The following EYA1 variants were observed in gnomAD, a reference collection of about 807,000 sequenced individuals.
The protein encoded by EYA1 is protein phosphatase EYA1.
Under a neutral mutation model 82.0 loss-of-function variants are expected in EYA1, and 16 were observed. That is an observed-to-expected ratio of 0.20 (90% CI 0.13 to 0.30). EYA1 has a LOEUF of 0.30. Ranked by LOEUF, EYA1 falls within the 10% of genes least tolerant of loss-of-function variation. The probability of loss-of-function intolerance (pLI) is 1.00; values close to 1 mark genes in which losing one functional copy is unlikely to be tolerated. For synonymous variants in EYA1, 261 were observed against 264.4 expected, an observed-to-expected ratio of 0.99 and a Z score of 0.12; for missense variants, 633 against 730.7, an observed-to-expected ratio of 0.87 and a Z score of 1.54.
At chr8:71,381,245 A>G (rs1404204589) in intron 2 of EYA1, among the ~76,000 whole-genome samples, 5 of 152,218 alleles carry the variant, frequency 3.3e-5, no homozygotes, top group Non-Finnish European at 7.3e-5. Context: ...TGTCCCTGCC[A>G]TGTGTAACAT....
At chr8:71,199,505 A>AC in intron 17 of EYA1, 85 bp from the exon 18 acceptor site, 1 of 810,444 alleles carries the variant, frequency 1.2e-6, no homozygotes, top group Non-Finnish European at 2.1e-6. Flanking sequence ...TCCCATGCTG[A>AC]CCCCCATTTT....
rs1586548715 is a variant in EYA1, at chr8:71,361,828, G to GGGGGCAGGCGCCTGGCCGCT, written c.-256_-237dup. 1 of 985,358 alleles carries GGGGGCAGGCGCCTGGCCGCT rather than the reference G, an allele frequency of 1.0e-6. No homozygotes were observed. Among genetic ancestry groups the GGGGGCAGGCGCCTGGCCGCT allele is most frequent in the Non-Finnish European group, 1.2e-6 (1 of 829,950 alleles). The allele number at this position is 985,358 out of a possible 1,614,324, so 61.0% of individuals were successfully genotyped here. On this transcript the variant is annotated 5_prime_UTR_variant, in exon 1 of 18. It removes the in-frame stop codon of an upstream open reading frame in the 5' UTR. Transcript: ENST00000340726. Reference sequence around the variant, plus strand: ...CCTCTGCAGGGGAAAGCTCGGCGCAGGGGGCAGGCGCCTGGCCGCTGCCGC... The same window carrying GGGGGCAGGCGCCTGGCCGCT: ...CCTCTGCAGGGGAAAGCTCGGCGCAGGGGGCAGGCGCCTGGCCGCTGGGGCAGGCGCCTGGCCGCTGCCGC...
In EYA1 at chr8:71,450,207, A is replaced by T. The variant is rs114074800; in HGVS notation, c.33+85537T>A. ...TTTTGAATTAACAACTTGGCTAACC[A>T]TTTGGCACAAGAGGCCTACTTTTGG... On this transcript the variant is annotated intron_variant, in intron 2 of 18. Transcript: ENST00000643681. Among the ~76,000 whole-genome samples, 662 of 152,346 alleles carry T rather than the reference A, an allele frequency of 4.3e-3. 5 individuals are homozygous for T. Among genetic ancestry groups the T allele is most frequent in the African/African-American group, 0.015 (640 of 41,588 alleles).
At chr8:71,425,693 T>C (rs186812219) in intron 2 of EYA1, among the ~76,000 whole-genome samples, 2 of 147,758 alleles carry the variant, frequency 1.4e-5, no homozygotes, top group Admixed American at 1.3e-4. Context: ...GAATCCTTAG[T>C]GTGTGTGTGT....
chr8:71,541,510 C>T (rs1439772665), intron 1 of EYA1, among the ~76,000 whole-genome samples: 1 of 152,144 alleles, frequency 6.6e-6, no homozygotes, highest in African/African-American at 2.4e-5. Flanking sequence ...TGATGACATG[C>T]TTATTTGGTA....
chr8:71,537,061 TAAG>T (rs1211034130), intron 1 of EYA1, among the ~76,000 whole-genome samples: 3 of 152,230 alleles, frequency 2.0e-5, no homozygotes, highest in African/African-American at 7.2e-5. Context: ...ATGGTTTATT[TAAG>T]AAGTAATTTT....
intron 12 of EYA1, among the ~76,000 whole-genome samples, chr8:71,243,127 T>C (rs971896877): frequency 9.2e-5 from 14 of 152,158 alleles, no homozygotes; most frequent in Admixed American, 5.9e-4. Context: ...AATAGGAAAT[T>C]ACTACAAATT....
intron 2 of EYA1, among the ~76,000 whole-genome samples, chr8:71,395,205 G>A (rs566829784): frequency 6.6e-6 from 1 of 152,342 alleles, no homozygotes; most frequent in Admixed American, 6.5e-5. Flanking sequence ...AGATGATGGG[G>A]TTTTCTAAAT....
At chr8:71,200,888 A>G (rs1806906840) in intron 17 of EYA1, among the ~76,000 whole-genome samples, 1 of 151,296 alleles carries the variant, frequency 6.6e-6, no homozygotes, top group Admixed American at 6.6e-5. Context: ...CATTCAGAAA[A>G]ACACTCTGAT....
intron 1 of EYA1, among the ~76,000 whole-genome samples, chr8:71,546,906 C>T (rs777232319): frequency 4.9e-4 from 75 of 152,280 alleles, no homozygotes; most frequent in Non-Finnish European, 1.0e-3. Flanking sequence ...AGATGATTTA[C>T]CTACCTAGCA....
chr8:71,346,033 C>A (rs1825664006), intron 3 of EYA1, among the ~76,000 whole-genome samples: 1 of 151,912 alleles, frequency 6.6e-6, no homozygotes, highest in Non-Finnish European at 1.5e-5. Context: ...CACACACACA[C>A]ACTCACTCTT....
At chr8:71,258,658 T>C (rs1012621840) in intron 11 of EYA1, among the ~76,000 whole-genome samples, 1 of 152,240 alleles carries the variant, frequency 6.6e-6, no homozygotes, top group Non-Finnish European at 1.5e-5. Context: ...TTTGCTTTAT[T>C]CTAGTGACTA....
intron 9 of EYA1, among the ~76,000 whole-genome samples, chr8:71,286,914 G>A (rs570039350): frequency 8.2e-5 from 12 of 146,720 alleles, no homozygotes; most frequent in African/African-American, 3.0e-4. Context: ...GCAATTCCCC[G>A]CCTCAGACTC....
chr8:71,306,707 C>T (rs1820778436), intron 7 of EYA1, among the ~76,000 whole-genome samples: 1 of 152,158 alleles, frequency 6.6e-6, no homozygotes, highest in Non-Finnish European at 1.5e-5. Context: ...CAAGGCCTCA[C>T]CCAAGTCTCA....
chr8:71,229,631 T>A (rs973003663), intron 12 of EYA1, among the ~76,000 whole-genome samples: 1 of 152,200 alleles, frequency 6.6e-6, no homozygotes, highest in Admixed American at 6.5e-5. Flanking sequence ...GTCATTGAAG[T>A]TAGTTTTGTG....
intron 2 of EYA1, among the ~76,000 whole-genome samples, chr8:71,504,447 C>T (rs1812041730): frequency 6.6e-6 from 1 of 152,142 alleles, no homozygotes; most frequent in African/African-American, 2.4e-5. Context: ...CATTACTCTC[C>T]TGTTGATGTA....
intron 2 of EYA1, among the ~76,000 whole-genome samples, chr8:71,497,719 A>T (rs1172255450): frequency 2.0e-5 from 3 of 152,196 alleles, no homozygotes; most frequent in Non-Finnish European, 4.4e-5. Flanking sequence ...ACCACCAGGT[A>T]TTTACCCAAA....
intron 9 of EYA1, among the ~76,000 whole-genome samples, chr8:71,273,879 A>T (rs1386653211): frequency 6.6e-6 from 1 of 152,218 alleles, no homozygotes. Flanking sequence ...ACTTACCGAC[A>T]GTATAATTTT....
intron 2 of EYA1, among the ~76,000 whole-genome samples, chr8:71,408,868 C>A (rs991717323): frequency 8.5e-6 from 1 of 117,006 alleles, no homozygotes; most frequent in Non-Finnish European, 1.7e-5. Context: ...CTGCACCAAG[C>A]GGACCTAATA....
Sources: gnomAD v4.1 joint callset for allele counts (sites outside exome capture counted in the v4.1 genomes callset) on GRCh38, gnomAD v4.1.1 for gene constraint, MANE v1.5 for transcripts, NCBI Gene and HGNC (gene_info 2026-07-23, HGNC 2026-07-21) for gene names.